UBE2N: variants seen among roughly 807,000 people sequenced by gnomAD.
UBE2N encodes the protein ubiquitin conjugating enzyme E2 N.
For missense variants in UBE2N, 60 were observed against 192.1 expected (o/e 0.31, Z 4.07); for synonymous variants, 70 against 69.2 (o/e 1.01, Z -0.06).
At chr12:93,429,056 G>A (rs1878674340) in intron 1 of UBE2N, among the ~76,000 whole-genome samples, 1 of 152,082 alleles carries the variant, frequency 6.6e-6, no homozygotes, top group Non-Finnish European at 1.5e-5. Context: ...CGGATCACGA[G>A]GTCAGGAGTT....
At chr12:93,431,952 G>A (rs1046300634) in intron 1 of UBE2N, among the ~76,000 whole-genome samples, 4 of 152,100 alleles carry the variant, frequency 2.6e-5, no homozygotes, top group Non-Finnish European at 5.9e-5. Context: ...ACACTTCCTC[G>A]GCTGGGCGCG....
intron 1 of UBE2N, among the ~76,000 whole-genome samples, chr12:93,435,021 T>C (rs1007734149): frequency 6.6e-6 from 1 of 152,120 alleles, no homozygotes; most frequent in Non-Finnish European, 1.5e-5. Flanking sequence ...TCTTCCTGCC[T>C]CAGTCTTCTG....
chr12:93,409,087 C>T lies in UBE2N; in HGVS notation c.*952G>A, dbSNP rs1287365044. The T allele has an allele frequency of 2.0e-5, 3 of 152,596 alleles. No homozygotes were observed. Among genetic ancestry groups the T allele is most frequent in the African/African-American group, 7.2e-5 (3 of 41,438 alleles). The allele number at this position is 152,596 out of a possible 1,614,324, so 9.5% of individuals were successfully genotyped here. ...ATCATCTAATCAGACAACACAAACACATTTATTTCAAATTCCTAGAAGGTT... is the reference window on the plus strand; with the variant it reads ...ATCATCTAATCAGACAACACAAACATATTTATTTCAAATTCCTAGAAGGTT... On this transcript the variant is annotated 3_prime_UTR_variant, in exon 4 of 4. Transcript: ENST00000318066.
chr12:93,410,997 T>A, intron 2 of UBE2N, 56 bp downstream of exon 2: 2 of 1,613,784 alleles, frequency 1.2e-6, no homozygotes, highest in Non-Finnish European at 1.7e-6. Context: ...ATGGAATGCT[T>A]AAGAGAAAAA....
At chr12:93,414,751 C>T (rs1393666691) in intron 1 of UBE2N, among the ~76,000 whole-genome samples, 1 of 152,110 alleles carries the variant, frequency 6.6e-6, no homozygotes, top group Non-Finnish European at 1.5e-5. Flanking sequence ...AAATTGCAAA[C>T]CCCATTCAAC....
rs1170722018 is a variant in UBE2N at position 93,406,335 on chromosome 12, G to A, written c.*3704C>T. The A allele has an allele frequency of 7.3e-6, 1 of 137,414 alleles. No individual in the cohort carries two copies. Among genetic ancestry groups the A allele is most frequent in the African/African-American group, 2.8e-5 (1 of 36,144 alleles). The allele number at this position is 137,414 out of a possible 1,614,324, so 8.5% of individuals were successfully genotyped here. A position where few individuals can be genotyped will look rare whatever the true frequency, so the allele number is the denominator to read the frequency against. On this transcript the variant is annotated 3_prime_UTR_variant, in exon 4 of 4. Coordinates refer to ENST00000318066, the MANE Select transcript of UBE2N (RefSeq NM_003348.4). ...CCTGAACCATTCAACAGAAAAATGA[G>A]GCCTATTCCTATCATTTCCTCGATC...
Position 93,409,848 on chromosome 12 carries a change from C to T in UBE2N, c.*191G>A. The T allele has an allele frequency of 1.6e-6, 1 of 619,274 alleles. No individual in the cohort carries two copies. The allele number at this position is 619,274 out of a possible 1,614,324, so 38.4% of individuals were successfully genotyped here. On this transcript the variant is annotated 3_prime_UTR_variant, in exon 4 of 4. Coordinates refer to ENST00000318066, the MANE Select transcript of UBE2N (RefSeq NM_003348.4). ...ATCCAGATGATACTTCTAGCCTCTG[C>T]TCATGCTTTATGACAGTGAATCAGG...
chr12:93,429,388 C>T (rs141613257), intron 1 of UBE2N: 236 of 392,962 alleles, frequency 6.0e-4, no homozygotes, highest in African/African-American at 4.9e-3. Context: ...TAAAATTAGT[C>T]TGATTCAGTG....
At chr12:93,434,303 C>A (rs1178834140) in intron 1 of UBE2N, among the ~76,000 whole-genome samples, 1 of 152,050 alleles carries the variant, frequency 6.6e-6, no homozygotes, top group Non-Finnish European at 1.5e-5. Flanking sequence ...CAAAAAAAAA[C>A]TCTGGTTTTA....
chr12:93,439,458 G>A lies in UBE2N; in HGVS notation c.30+2397C>T, dbSNP rs1005382871. Among the ~76,000 whole-genome samples the A allele has an allele frequency of 3.3e-5, 5 of 152,310 alleles. 1 individual carries two copies. The highest frequency in any genetic ancestry group is 1.9e-4 in the East Asian group (1 of 5,186). On this transcript the variant is annotated intron_variant, in intron 1 of 3. Coordinates refer to ENST00000318066, the MANE Select transcript of UBE2N (RefSeq NM_003348.4). ...CCTGCCACTGCACTGCAGCCTGGGAGCGGAGTGAGACGAGTCTCAAGAAAA... is the reference window on the plus strand; with the variant it reads ...CCTGCCACTGCACTGCAGCCTGGGAACGGAGTGAGACGAGTCTCAAGAAAA...
chr12:93,414,229 C>T (rs543605205), intron 1 of UBE2N, among the ~76,000 whole-genome samples: 5 of 151,834 alleles, frequency 3.3e-5, no homozygotes, highest in African/African-American at 9.7e-5. Flanking sequence ...GCGGGTGGAT[C>T]GGCTCAGGTC....
intron 1 of UBE2N, among the ~76,000 whole-genome samples, chr12:93,426,390 CA>C (rs57644203): frequency 0.4 from 39,973 of 101,080 alleles, 6,364 homozygotes; most frequent in Non-Finnish European, 0.5. Context: ...AAACTGCATC[CA>C]AAAAAAAAAA....
At chr12:93,414,504 G>A (rs540078324) in intron 1 of UBE2N, among the ~76,000 whole-genome samples, 13 of 147,750 alleles carry the variant, frequency 8.8e-5, no homozygotes, top group East Asian at 2.0e-4. Flanking sequence ...CCCAAAAGAC[G>A]CTCTATATGA....
intron 1 of UBE2N, among the ~76,000 whole-genome samples, chr12:93,432,655 T>C (rs954066876): frequency 6.6e-6 from 1 of 152,162 alleles, no homozygotes; most frequent in African/African-American, 2.4e-5. Flanking sequence ...CTGTAAAGAC[T>C]TTCAAAATAT....
chr12:93,414,443 C>T (rs1005258476), intron 1 of UBE2N, among the ~76,000 whole-genome samples: 14 of 126,458 alleles, frequency 1.1e-4, no homozygotes, highest in Admixed American at 4.2e-4. Flanking sequence ...AGCGAAGCTC[C>T]GTCTCAAAAA....
At chr12:93,411,837 G>A (rs1252602182) in intron 1 of UBE2N, among the ~76,000 whole-genome samples, 1 of 152,208 alleles carries the variant, frequency 6.6e-6, no homozygotes, top group East Asian at 1.9e-4. Flanking sequence ...GGGATTACAG[G>A]TGTGCGCCAC....
intron 1 of UBE2N, among the ~76,000 whole-genome samples, chr12:93,411,900 C>T (rs553700485): frequency 6.6e-6 from 1 of 152,204 alleles, no homozygotes; most frequent in South Asian, 2.1e-4. Flanking sequence ...CCCTGTTGGC[C>T]AGGCTGGTCT....
intron 1 of UBE2N, among the ~76,000 whole-genome samples, chr12:93,415,121 A>G (rs1878166208): frequency 6.6e-6 from 1 of 152,128 alleles, no homozygotes; most frequent in Non-Finnish European, 1.5e-5. Context: ...TTCTACTTAT[A>G]TTTATTTTTA....
chr12:93,424,624 T>C (rs964824578), intron 1 of UBE2N, among the ~76,000 whole-genome samples: 3 of 152,210 alleles, frequency 2.0e-5, no homozygotes, highest in Admixed American at 2.0e-4. Flanking sequence ...GGGCTAACCA[T>C]ACCGCACAGC....
Sources: gnomAD v4.1 joint callset for allele counts (sites outside exome capture counted in the v4.1 genomes callset) on GRCh38, gnomAD v4.1.1 for gene constraint, MANE v1.5 for transcripts, NCBI Gene and HGNC (gene_info 2026-07-23, HGNC 2026-07-21) for gene names.